The following TP53INP2 variants were observed in gnomAD, a reference collection of about 807,000 sequenced individuals.
TP53INP2 encodes the protein tumor protein p53 inducible nuclear protein 2.
TP53INP2 carries 12 observed loss-of-function variants against 17.1 expected under a neutral mutation model. The observed-to-expected ratio is 0.70, with a 90% CI of 0.45 to 1.14. The LOEUF (loss-of-function observed/expected upper bound fraction) is 1.14, where lower values mean the gene tolerates loss of function less well. Among genes scored for constraint, TP53INP2 ranks in the 50% most tolerant of loss-of-function variants. TP53INP2 has a pLI of 0.00. For synonymous variants in TP53INP2, 145 were observed against 147.3 expected (o/e 0.98, Z 0.12); for missense variants, 342 against 330.9 (o/e 1.03, Z -0.26).
chr20:34,709,528 A>G lies in TP53INP2; in HGVS notation c.413+4A>G. 1 of 1,603,572 alleles carries G rather than the reference A, an allele frequency of 6.2e-7. No individual in the cohort carries two copies. ...CTGACGGCGACCTCAGCGAAGGGTG[A>G]GCGGGCCGGGGGCGGAGCCTGGAGG... On this transcript the variant is annotated splice_donor_region_variant and intron_variant, in intron 4 of 4. Coordinates refer to ENST00000374810, the MANE Select transcript of TP53INP2 (RefSeq NM_021202.3). This position sits in a 1 kb window ranked among gnomAD's most constrained non-coding sequence, Gnocchi z 5.4.
rs760635396 is a variant in TP53INP2, at chr20:34,708,806, C to T, written c.67C>T (p.Arg23Cys). ...PSPPEDPDCP[R>C]AFVSEEDEVD... The stretch of plus-strand genomic sequence containing the variant: ...GCCCCCCGAAGACCCCGACTGCCCC[C>T]GCGCCTTCGTGTCGGAGGAGGATGA... Residue 23 changes from arginine (R) to cysteine (C), a missense_variant, in exon 3 of 5, where the codon CGC (arginine) becomes TGC (cysteine). Coordinates refer to ENST00000374810, the MANE Select transcript of TP53INP2 (RefSeq NM_021202.3). The T allele has an allele frequency of 6.2e-7, 1 of 1,613,674 alleles. No homozygotes were observed. The highest frequency in any genetic ancestry group is 8.5e-7 in the Non-Finnish European group (1 of 1,179,890).
chr20:34,707,164 C>T (rs891790816), intron 2 of TP53INP2, among the ~76,000 whole-genome samples: 1 of 152,184 alleles, frequency 6.6e-6, no homozygotes, highest in African/African-American at 2.4e-5. Flanking sequence ...CAGCTCCCTC[C>T]CTTCATCATC....
Position 34,710,327 on chromosome 20 carries a change from C to G in TP53INP2, c.*20C>G, listed in dbSNP as rs898264934. 1 of 1,343,550 alleles carries G rather than the reference C, an allele frequency of 7.4e-7. No individual in the cohort carries two copies. Among genetic ancestry groups the G allele is most frequent in the Non-Finnish European group, 9.7e-7 (1 of 1,036,206 alleles). 83.2% of individuals were successfully genotyped at this position (1,343,550 alleles called of 1,614,324 possible). On this transcript the variant is annotated 3_prime_UTR_variant, in exon 5 of 5. Transcript: ENST00000374810. The surrounding 1 kb of genome is among the most constrained non-coding windows in gnomAD (Gnocchi z 4.9). ...TACTGAGCGTCCACCGGCCGCGCCA[C>G]GAACCCCTTGCCGATCCCGATCCCT...
chr20:34,708,793 C>T lies in TP53INP2; in HGVS notation c.54C>T (p.Asp18=), dbSNP rs780289870. 4 of 1,612,156 alleles carry T rather than the reference C, an allele frequency of 2.5e-6. No individual in the cohort carries two copies. The highest frequency in any genetic ancestry group is 3.4e-6 in the Non-Finnish European group (4 of 1,179,268). The change falls in exon 3 of 5, where the codon GAC becomes GAT. Residue 18 remains aspartate (D), a synonymous_variant. Transcript: ENST00000374810. Reference sequence around the variant, plus strand: ...TCAGCACCCCCTCGCCCCCCGAAGACCCCGACTGCCCCCGCGCCTTCGTGT... The same window carrying T: ...TCAGCACCCCCTCGCCCCCCGAAGATCCCGACTGCCCCCGCGCCTTCGTGT... ...LFFSTPSPPE[D]PDCPRAFVSE...
chr20:34,708,878 T>C lies in TP53INP2; in HGVS notation c.124+15T>C, dbSNP rs557651283. On this transcript the variant is annotated intron_variant, in intron 3 of 4. Coordinates refer to ENST00000374810, the MANE Select transcript of TP53INP2 (RefSeq NM_021202.3). ...TGACCTGCCGGGTGAGGCCTGGGTC[T>C]GTCTCCTGGGCCTGTGAAGTCATTC... 9.4e-5 allele frequency: 152 copies of C among 1,612,012 alleles called. 1 individual carries two copies. In the South Asian group the frequency reaches 1.3e-3, roughly 14 times the overall value.
intron 2 of TP53INP2, 107 bp from the exon 3 acceptor site, chr20:34,708,584 T>C (rs1988053665): frequency 1.6e-6 from 1 of 622,882 alleles, no homozygotes; most frequent in Non-Finnish European, 2.8e-6. Context: ...CCCCGTTGTG[T>C]GTACCCTTCT....
Position 34,709,141 on chromosome 20 carries a change from T to A in TP53INP2, c.125-95T>A, listed in dbSNP as rs1312716423. 11 of 1,450,542 alleles carry A rather than the reference T, an allele frequency of 7.6e-6. No homozygotes were observed. The highest frequency in any genetic ancestry group is 1.0e-5 in the Non-Finnish European group (11 of 1,105,160). The allele number at this position is 1,450,542 out of a possible 1,614,324, so 89.9% of individuals were successfully genotyped here. A position where few individuals can be genotyped will look rare whatever the true frequency, so the allele number is the denominator to read the frequency against. On this transcript the variant is annotated intron_variant, in intron 3 of 4. Coordinates refer to ENST00000374810, the MANE Select transcript of TP53INP2 (RefSeq NM_021202.3). This position sits in a 1 kb window ranked among gnomAD's most constrained non-coding sequence, Gnocchi z 5.4. ...CGGGTCTGACTAACGATGCCCTTTC[T>A]CTCCCCGCCCCCTTGTCCGGTGTGT...
rs1988122168 is a variant in TP53INP2, at chr20:34,709,786, G to A, written c.413+262G>A. On this transcript the variant is annotated intron_variant, in intron 4 of 4. Coordinates refer to ENST00000374810, the MANE Select transcript of TP53INP2 (RefSeq NM_021202.3). The surrounding 1 kb of genome is among the most constrained non-coding windows in gnomAD (Gnocchi z 5.4). ...CTGGGGCCGGGGTTGGAGGCTTGAG[G>A]AGCGTGGCTGGAGCGCCTAGGGAGT... Among the ~76,000 whole-genome samples the A allele has an allele frequency of 6.6e-6, 1 of 152,164 alleles. No individual in the cohort carries two copies. The highest frequency in any genetic ancestry group is 2.4e-5 in the African/African-American group (1 of 41,444).
At position 34,708,847 on chromosome 20, in the gene TP53INP2, C is replaced by A. The variant is rs1821202588; in HGVS notation, c.108C>A (p.Leu36=). ...VSEEDEVDGW[L]IIDLPDSYAA... is the part of the protein sequence containing the mutation. Reference sequence around the variant, plus strand: ...AGGAGGATGAAGTGGACGGCTGGCTCATCATTGACCTGCCGGGTGAGGCCT... The same window carrying A: ...AGGAGGATGAAGTGGACGGCTGGCTAATCATTGACCTGCCGGGTGAGGCCT... The change falls in exon 3 of 5, where the codon CTC becomes CTA. Residue 36 remains leucine (L), a synonymous_variant. Transcript: ENST00000374810. The A allele has an allele frequency of 4.3e-6, 7 of 1,613,666 alleles. No homozygotes were observed. Among genetic ancestry groups the A allele is most frequent in the Non-Finnish European group, 5.9e-6 (7 of 1,179,756 alleles).
In TP53INP2 at chr20:34,709,847, G is replaced by T. The variant is rs1030604646; in HGVS notation, c.414-211G>T. Among the ~76,000 whole-genome samples, 1 of 152,130 alleles carries T rather than the reference G, an allele frequency of 6.6e-6. No individual in the cohort carries two copies. The highest frequency in any genetic ancestry group is 2.1e-4 in the South Asian group (1 of 4,830). ...CAGAAAGGCAAGGGTGGAATAGGGG[G>T]TGGGGGTCCAGTCTCCCCCGAGGTC... On this transcript the variant is annotated intron_variant, in intron 4 of 4. Coordinates refer to ENST00000374810, the MANE Select transcript of TP53INP2 (RefSeq NM_021202.3). This position sits in a 1 kb window ranked among gnomAD's most constrained non-coding sequence, Gnocchi z 5.4.
Position 34,709,675 on chromosome 20 carries a change from GGGGGCCGGT to G in TP53INP2, c.413+155_413+163del. ...GGAGGGTTGCCTTTGAGACAAAGTG[GGGGGCCGGT>G]GGGCCTCCGGGCGAGGCTAGAAGCG... On this transcript the variant is annotated intron_variant, in intron 4 of 4. Transcript: ENST00000374810. The surrounding 1 kb of genome is among the most constrained non-coding windows in gnomAD (Gnocchi z 5.4). The G allele has an allele frequency of 7.0e-7, 1 of 1,430,578 alleles. No individual in the cohort carries two copies. The highest frequency in any genetic ancestry group is 9.1e-7 in the Non-Finnish European group (1 of 1,096,762). The allele number at this position is 1,430,578 out of a possible 1,614,324, so 88.6% of individuals were successfully genotyped here.
chr20:34,710,115 A>C lies in TP53INP2; in HGVS notation c.471A>C (p.Pro157=). 7.9e-7 allele frequency: 1 copy of C among 1,263,154 alleles called. No homozygotes were observed. The highest frequency in any genetic ancestry group is 9.9e-7 in the Non-Finnish European group (1 of 1,008,188). 78.2% of individuals were successfully genotyped at this position (1,263,154 alleles called of 1,614,324 possible). A position where few individuals can be genotyped will look rare whatever the true frequency, so the allele number is the denominator to read the frequency against. The change falls in exon 5 of 5, where the codon CCA becomes CCC. Residue 157 remains proline, a synonymous_variant. Coordinates refer to ENST00000374810, the MANE Select transcript of TP53INP2 (RefSeq NM_021202.3). The surrounding 1 kb of genome is among the most constrained non-coding windows in gnomAD (Gnocchi z 4.9). Reference sequence around the variant, plus strand: ...CCGCGCGCCACGCCGCTCCTCTCCCAGCGCGGGCGGCGCTGCTGGAGAAGG... The same window carrying C: ...CCGCGCGCCACGCCGCTCCTCTCCCCGCGCGGGCGGCGCTGCTGGAGAAGG... ...PRAARHAAPL[P]ARAALLEKAG...
At position 34,710,119 on chromosome 20, in the gene TP53INP2, C is replaced by T; in HGVS notation, c.475C>T (p.Arg159Trp). The T allele has an allele frequency of 7.9e-7, 1 of 1,262,746 alleles. No individual in the cohort carries two copies. Among genetic ancestry groups the T allele is most frequent in the Non-Finnish European group, 9.9e-7 (1 of 1,007,908 alleles). The allele number at this position is 1,262,746 out of a possible 1,614,324, so 78.2% of individuals were successfully genotyped here. Residue 159 changes from arginine (R) to tryptophan (W), a missense_variant, in exon 5 of 5, where the codon CGG becomes TGG. Arg to Trp is a moderately radical substitution (Grantham distance 101). Coordinates refer to ENST00000374810, the MANE Select transcript of TP53INP2 (RefSeq NM_021202.3). The surrounding 1 kb of genome is among the most constrained non-coding windows in gnomAD (Gnocchi z 4.9). ...AARHAAPLPA[R>W]AALLEKAGQV... ...GCGCCACGCCGCTCCTCTCCCAGCG[C>T]GGGCGGCGCTGCTGGAGAAGGCGGG... is the stretch of plus-strand genomic sequence containing the variant.
Position 34,708,777 on chromosome 20 carries a change from C to G in TP53INP2, c.38C>G (p.Pro13Arg). 6.2e-7 allele frequency: 1 copy of G among 1,602,234 alleles called. No homozygotes were observed. Among genetic ancestry groups the G allele is most frequent in the Non-Finnish European group, 8.5e-7 (1 of 1,174,472 alleles). Residue 13 changes from proline to arginine, a missense_variant, in exon 3 of 5, where the codon CCC (proline) becomes CGC (arginine). By Grantham distance (103) the Pro-to-Arg change is moderately radical. Transcript: ENST00000374810. ...QRLSSLFFST[P>R]SPPEDPDCPR... ...CTCTCCAGCCTCTTCTTCAGCACCC[C>G]CTCGCCCCCCGAAGACCCCGACTGC...
At position 34,711,385 on chromosome 20, in the gene TP53INP2, A is replaced by G. The variant is rs1391107094; in HGVS notation, c.*1078A>G. On this transcript the variant is annotated 3_prime_UTR_variant, in exon 5 of 5. Coordinates refer to ENST00000374810, the MANE Select transcript of TP53INP2 (RefSeq NM_021202.3). The surrounding 1 kb of genome is among the most constrained non-coding windows in gnomAD (Gnocchi z 4.1). ...GTGCAGAGCAGTGATGCTGGAGGAC[A>G]CACCATGGGGTGAAGCCATCCCAAG... The G allele has an allele frequency of 2.6e-5, 4 of 152,946 alleles. No individual in the cohort carries two copies. The highest frequency in any genetic ancestry group is 9.7e-5 in the African/African-American group (4 of 41,440). The allele number at this position is 152,946 out of a possible 1,614,324, so 9.5% of individuals were successfully genotyped here.
intron 1 of TP53INP2, among the ~76,000 whole-genome samples, 181 bp from the exon 2 acceptor site, chr20:34,705,177 C>T (rs1987979754): frequency 6.6e-6 from 1 of 152,214 alleles, no homozygotes; most frequent in African/African-American, 2.4e-5. Flanking sequence ...GGTCACATAA[C>T]CAATTAGAGT....
Position 34,704,492 on chromosome 20 carries a change from C to G in TP53INP2, c.-187C>G, listed in dbSNP as rs987016381. The G allele has an allele frequency of 2.2e-4, 33 of 152,038 alleles. No homozygotes were observed. Among genetic ancestry groups the G allele is most frequent in the African/African-American group, 7.2e-4 (30 of 41,398 alleles). 9.4% of individuals were successfully genotyped at this position (152,038 alleles called of 1,614,324 possible). On this transcript the variant is annotated 5_prime_UTR_variant, in exon 1 of 5. Coordinates refer to ENST00000374810, the MANE Select transcript of TP53INP2 (RefSeq NM_021202.3). ...GCCGCACAACTACCTCAACGCCGTG[C>G]CGCCCCCCTCCCGCCCCCAGGTGAG...
rs762356304 is a variant in TP53INP2 at position 34,709,538 on chromosome 20, G to A, written c.413+14G>A. ...CCTCAGCGAAGGGTGAGCGGGCCGG[G>A]GGCGGAGCCTGGAGGCCCAGGGAGA... is the stretch of plus-strand genomic sequence containing the variant. On this transcript the variant is annotated intron_variant, in intron 4 of 4. Transcript: ENST00000374810. The surrounding 1 kb of genome is among the most constrained non-coding windows in gnomAD (Gnocchi z 5.4). 4.4e-6 allele frequency: 7 copies of A among 1,599,630 alleles called. No individual in the cohort carries two copies. The African/African-American group carries it at 9.4e-5, about 21-fold the overall frequency.
Position 34,708,808 on chromosome 20 carries a change from C to A in TP53INP2, c.69C>A (p.Arg23=). The A allele has an allele frequency of 1.9e-6, 3 of 1,613,864 alleles. No homozygotes were observed. Among genetic ancestry groups the A allele is most frequent in the Non-Finnish European group, 2.5e-6 (3 of 1,179,900 alleles). Residue 23 remains arginine (R), a synonymous_variant, in exon 3 of 5, where the codon CGC becomes CGA. Transcript: ENST00000374810. ...PSPPEDPDCP[R]AFVSEEDEVD... ...CCCCCGAAGACCCCGACTGCCCCCG[C>A]GCCTTCGTGTCGGAGGAGGATGAAG...
Sources: allele counts gnomAD v4.1 joint callset (sites outside exome capture counted in the v4.1 genomes callset), GRCh38; gene constraint gnomAD v4.1.1; non-coding constraint Gnocchi (gnomAD v3.1); transcripts MANE v1.5; gene names NCBI Gene and HGNC (gene_info 2026-07-23, HGNC 2026-07-21).